Variants in ADAMTS12 observed in about 807,000 individuals in gnomAD.
The protein encoded by ADAMTS12 is ADAM metallopeptidase with thrombospondin type 1 motif 12, also known as A disintegrin and metalloproteinase with thrombospondin motifs 12.
In ADAMTS12, 118 loss-of-function variants were observed where a neutral mutation model predicts 167.8. The ratio of observed to expected loss-of-function variants is 0.70; its 90% CI spans 0.61 to 0.82. ADAMTS12 has a LOEUF of 0.82. Ranked by LOEUF, ADAMTS12 falls within the 40% of genes least tolerant of loss-of-function variation. ADAMTS12 has a pLI of 0.00. For missense variants in ADAMTS12, 1,916 were observed against 1,998.8 expected, an observed-to-expected ratio of 0.96 and a Z score of 0.79; for synonymous variants, 704 against 716.9, an observed-to-expected ratio of 0.98 and a Z score of 0.29.
chr5:33,753,939 T>A (rs548953516), intron 2 of ADAMTS12, among the ~76,000 whole-genome samples: 1 of 152,266 alleles, frequency 6.6e-6, no homozygotes, highest in South Asian at 2.1e-4. Flanking sequence ...AGTAGGCTGC[T>A]GGTCCCAGGA....
chr5:33,653,220 A>G (rs1358179551), intron 7 of ADAMTS12, among the ~76,000 whole-genome samples: 1 of 152,126 alleles, frequency 6.6e-6, no homozygotes, highest in African/African-American at 2.4e-5. Flanking sequence ...TTTATGATGA[A>G]TAGATGTCAA....
At position 33,648,535 on chromosome 5, in the gene ADAMTS12, T is replaced by C. The variant is rs114593544; in HGVS notation, c.1479+287A>G. Among the ~76,000 whole-genome samples the C allele has an allele frequency of 4.7e-3, 714 of 152,344 alleles. 2 individuals are homozygous for C. The highest frequency in any genetic ancestry group is 0.016 in the African/African-American group (674 of 41,590). On this transcript the variant is annotated intron_variant, in intron 9 of 23. Coordinates refer to ENST00000504830, the MANE Select transcript of ADAMTS12 (RefSeq NM_030955.4). ...ATTTTAGGGATTAAGTTGGTTGCTA[T>C]GGAGTCTGCAGGTGTGAATCACTGT... is the stretch of plus-strand genomic sequence containing the variant.
At chr5:33,626,904 GTGA>G (rs1739666601) in intron 13 of ADAMTS12, among the ~76,000 whole-genome samples, 1 of 150,862 alleles carries the variant, frequency 6.6e-6, no homozygotes. Flanking sequence ...TTTGATGGTG[GTGA>G]TGGTAGTGGT....
At chr5:33,806,973 G>T (rs1321820313) in intron 2 of ADAMTS12, among the ~76,000 whole-genome samples, 1 of 152,128 alleles carries the variant, frequency 6.6e-6, no homozygotes. Flanking sequence ...GGTTAAAACT[G>T]CAGACCTACT....
At position 33,525,823 on chromosome 5, in the gene ADAMTS12, A is replaced by C. The variant is rs1199044427; in HGVS notation, c.*1365T>G. 6.6e-6 allele frequency: 1 copy of C among 151,960 alleles called. No homozygotes were observed. Among genetic ancestry groups the C allele is most frequent in the Non-Finnish European group, 1.5e-5 (1 of 67,974 alleles). 9.4% of individuals were successfully genotyped at this position (151,960 alleles called of 1,614,324 possible). On this transcript the variant is annotated 3_prime_UTR_variant, in exon 24 of 24. Transcript: ENST00000504830. ...ATTTGAAGCTTATGCCCCTCCACCC[A>C]CCCACTTACCCTCTTTCTCTGGGTT...
chr5:33,602,104 C>CA, intron 16 of ADAMTS12, among the ~76,000 whole-genome samples: 2 of 152,304 alleles, frequency 1.3e-5, no homozygotes, highest in East Asian at 3.9e-4. Context: ...CCACAGAGCA[C>CA]ACCGAGCAAG....
chr5:33,808,490 T>C (rs75762178), intron 2 of ADAMTS12, among the ~76,000 whole-genome samples: 2,426 of 152,294 alleles, frequency 0.016, 71 homozygotes, highest in African/African-American at 0.056. Context: ...TAGGAATGAA[T>C]TGCATACGGT....
intron 3 of ADAMTS12, among the ~76,000 whole-genome samples, chr5:33,703,553 A>G (rs1381007071): frequency 6.6e-6 from 1 of 151,784 alleles, no homozygotes; most frequent in African/African-American, 2.4e-5. Flanking sequence ...ACACCTCCCC[A>G]TTTCTTCCTC....
chr5:33,723,369 T>A (rs147871865), intron 3 of ADAMTS12, among the ~76,000 whole-genome samples: 2 of 152,172 alleles, frequency 1.3e-5, no homozygotes, highest in East Asian at 1.9e-4. Context: ...ACCTCAGTCA[T>A]CCTTTTGACC....
At chr5:33,650,578 T>C (rs1399753385) in intron 7 of ADAMTS12, among the ~76,000 whole-genome samples, 1 of 152,250 alleles carries the variant, frequency 6.6e-6, no homozygotes, top group Non-Finnish European at 1.5e-5. Context: ...CTTTGGCTCC[T>C]AACACAGTAC....
intron 6 of ADAMTS12, among the ~76,000 whole-genome samples, chr5:33,660,731 C>T (rs930468642): frequency 1.3e-5 from 2 of 152,314 alleles, no homozygotes; most frequent in East Asian, 3.9e-4. Context: ...TTACATTCCA[C>T]ACCCATGCTA....
chr5:33,880,959 T>G (rs993590965), intron 2 of ADAMTS12, 160 bp downstream of exon 2: 1 of 1,038,824 alleles, frequency 9.6e-7, no homozygotes, highest in African/African-American at 1.6e-5. Flanking sequence ...TTTTATTTAT[T>G]AAATACTTTC....
intron 3 of ADAMTS12, among the ~76,000 whole-genome samples, chr5:33,703,270 T>C (rs1351228862): frequency 6.6e-6 from 1 of 152,196 alleles, no homozygotes; most frequent in Non-Finnish European, 1.5e-5. Flanking sequence ...TGAAAAGCTG[T>C]ACATATTTAA....
intron 5 of ADAMTS12, among the ~76,000 whole-genome samples, chr5:33,665,369 G>C (rs1298541983): frequency 6.6e-6 from 1 of 152,056 alleles, no homozygotes; most frequent in East Asian, 1.9e-4. Flanking sequence ...TTTGAAAATT[G>C]CTAACAGAGT....
chr5:33,589,122 G>A (rs1747514735), intron 17 of ADAMTS12, among the ~76,000 whole-genome samples: 1 of 152,204 alleles, frequency 6.6e-6, no homozygotes, highest in Non-Finnish European at 1.5e-5. Context: ...CTTTAAGCAA[G>A]TTTAAGCCTC....
rs767286146 is a variant in ADAMTS12 at position 33,630,883 on chromosome 5, A to G, written c.1919T>C (p.Ile640Thr). 6.2e-7 allele frequency: 1 copy of G among 1,613,638 alleles called. No individual in the cohort carries two copies. The highest frequency in any genetic ancestry group is 1.1e-5 in the South Asian group (1 of 91,058). Residue 640 changes from isoleucine (I) to threonine (T), a missense_variant, in exon 13 of 24, where the codon ATA becomes ACA. Transcript: ENST00000504830. Reference sequence around the variant, plus strand: ...CATTTTCTCAGAAAACTGGCCATCTATGGGTCGGCAGTAGAGCTCACAAGG... The same window carrying G: ...CATTTTCTCAGAAAACTGGCCATCTGTGGGTCGGCAGTAGAGCTCACAAGG... ...AHPCELYCRPIDGQFSEKMLD... is the reference protein window; with the variant it reads ...AHPCELYCRPTDGQFSEKMLD...
At chr5:33,774,592 A>G (rs1745850755) in intron 2 of ADAMTS12, among the ~76,000 whole-genome samples, 1 of 152,222 alleles carries the variant, frequency 6.6e-6, no homozygotes, top group African/African-American at 2.4e-5. Flanking sequence ...GAGAGTCCAG[A>G]GTCTGCGAAG....
chr5:33,573,927 G>T (rs1029460663), intron 19 of ADAMTS12, among the ~76,000 whole-genome samples: 4 of 152,208 alleles, frequency 2.6e-5, no homozygotes, highest in African/African-American at 7.2e-5. Context: ...CCATCGAAAA[G>T]TGGGCAAAGG....
chr5:33,851,660 G>T (rs973899117), intron 2 of ADAMTS12, among the ~76,000 whole-genome samples: 4 of 152,142 alleles, frequency 2.6e-5, no homozygotes, highest in Non-Finnish European at 5.9e-5. Flanking sequence ...CTGGATTGCT[G>T]CCCAGTCCCC....
Sources: gnomAD v4.1 joint callset for allele counts (sites outside exome capture counted in the v4.1 genomes callset) on GRCh38, gnomAD v4.1.1 for gene constraint, MANE v1.5 for transcripts, NCBI Gene and HGNC (gene_info 2026-07-23, HGNC 2026-07-21) for gene names.